The following MDH2 variants were observed in gnomAD, a reference collection of about 807,000 sequenced individuals.
MDH2 encodes malate dehydrogenase, mitochondrial.
A neutral mutation model predicts 33.6 loss-of-function variants in MDH2; 25 were observed. That is an observed-to-expected ratio of 0.74 (90% CI 0.54 to 1.04). MDH2 has a LOEUF of 1.04. Ranked by LOEUF, MDH2 falls within the 50% of genes least tolerant of loss-of-function variation. MDH2 has a pLI of 0.00. For missense variants in MDH2, 432 were observed against 445.0 expected, an observed-to-expected ratio of 0.97 and a Z score of 0.26; for synonymous variants, 193 against 188.7, an observed-to-expected ratio of 1.02 and a Z score of -0.19.
At chr7:76,065,099 C>A in intron 8 of MDH2, 146 bp downstream of exon 8, 5 of 930,418 alleles carry the variant, frequency 5.4e-6, no homozygotes, top group South Asian at 1.7e-5. Context: ...TGGACGCACA[C>A]CCGAGAAAAA....
At chr7:76,060,242 G>A in intron 4 of MDH2, 131 bp from the exon 5 acceptor site, 4 of 1,199,536 alleles carry the variant, frequency 3.3e-6, no homozygotes, top group Non-Finnish European at 4.6e-6. Flanking sequence ...TATCAGACAG[G>A]GCAGTTTAAT....
At chr7:76,048,412 CG>C in intron 1 of MDH2, 186 bp downstream of exon 1, 1 of 1,147,978 alleles carries the variant, frequency 8.7e-7, no homozygotes, top group Non-Finnish European at 1.2e-6. Context: ...GGGAGAAAGC[CG>C]GGGAAAAGGG....
chr7:76,066,399 A>G lies in MDH2; in HGVS notation c.1006A>G (p.Thr336Ala), dbSNP rs1554587912. The G allele has an allele frequency of 3.1e-6, 5 of 1,610,784 alleles. No homozygotes were observed. Among genetic ancestry groups the G allele is most frequent in the Non-Finnish European group, 4.2e-6 (5 of 1,178,922 alleles). Residue 336 changes from threonine to alanine, a missense_variant, in exon 9 of 9, where the codon ACC becomes GCC. Physicochemically the swap from Thr to Ala is moderately conservative, Grantham distance 58. Coordinates refer to ENST00000315758, the MANE Select transcript of MDH2 (RefSeq NM_005918.4). ...SIKKGEDFVK[T>A]LK is the part of the protein sequence containing the mutation. The stretch of plus-strand genomic sequence containing the variant: ...CAAGAAGGGGGAAGATTTCGTGAAG[A>G]CCCTGAAGTGAGCCGCTGTGACGGG...
In MDH2 at chr7:76,048,626, G is replaced by A. The variant is rs548327868; in HGVS notation, c.66+400G>A. The A allele has an allele frequency of 4.7e-6, 6 of 1,272,706 alleles. No homozygotes were observed. The African/African-American group carries it at 9.3e-5, about 20-fold the overall frequency. 78.8% of individuals were successfully genotyped at this position (1,272,706 alleles called of 1,614,324 possible). The stretch of plus-strand genomic sequence containing the variant: ...TCTCCTTGCAGCATCCGTGTGAGTT[G>A]TGCGTGAATAAAAGAAATCGTATAC... On this transcript the variant is annotated intron_variant, in intron 1 of 8. Transcript: ENST00000315758.
chr7:76,048,257 G>A (rs1554584518), intron 1 of MDH2, 31 bp downstream of exon 1: 14 of 1,528,000 alleles, frequency 9.2e-6, no homozygotes, highest in Non-Finnish European at 9.6e-6. Flanking sequence ...CCTGCAGGCG[G>A]AGGCCCCCCG....
intron 4 of MDH2, among the ~76,000 whole-genome samples, chr7:76,059,040 T>C (rs1373265764): frequency 6.6e-6 from 1 of 152,136 alleles, no homozygotes; most frequent in Non-Finnish European, 1.5e-5. Context: ...GCCTCCCAGG[T>C]TCAAGCGATT....
chr7:76,057,948 C>A, intron 3 of MDH2, 21 bp from the exon 4 acceptor site: 1 of 1,609,970 alleles, frequency 6.2e-7, no homozygotes, highest in Non-Finnish European at 8.5e-7. Context: ...CTGTTAACAT[C>A]TCATATTGGA....
Position 76,057,424 on chromosome 7 carries a change from G to A in MDH2, c.250G>A (p.Glu84Lys). The part of the protein sequence containing the change: ...KAAVKGYLGP[E>K]QLPDCLKGCD... ...GTTTGTTCTAGGCTACCTCGGACCTGAACAGCTGCCTGACTGCCTGAAAGG... is the reference window on the plus strand; with the variant it reads ...GTTTGTTCTAGGCTACCTCGGACCTAAACAGCTGCCTGACTGCCTGAAAGG... The change falls in exon 3 of 9, where the codon GAA (glutamate) becomes AAA (lysine). Residue 84 changes from glutamate (E) to lysine (K), a missense_variant. Glu to Lys is a moderately conservative substitution (Grantham distance 56, BLOSUM62 1). Coordinates refer to ENST00000315758, the MANE Select transcript of MDH2 (RefSeq NM_005918.4). The A allele has an allele frequency of 3.7e-6, 6 of 1,614,184 alleles. No individual in the cohort carries two copies. Among genetic ancestry groups the A allele is most frequent in the Non-Finnish European group, 5.1e-6 (6 of 1,180,040 alleles).
Position 76,064,982 on chromosome 7 carries a change from CTG to C in MDH2, c.885+32_885+33del, listed in dbSNP as rs538050919. ...CGTATCCAGGCGTGGGTCCTTCTGACTGTGGAATAAGGGGGCGTTCCCTTTGC... is the reference window on the plus strand; with the variant it reads ...CGTATCCAGGCGTGGGTCCTTCTGACTGGAATAAGGGGGCGTTCCCTTTGC... On this transcript the variant is annotated intron_variant, in intron 8 of 8. Transcript: ENST00000315758. 87 of 1,612,948 alleles carry C rather than the reference CTG, an allele frequency of 5.4e-5. No individual in the cohort carries two copies. In the South Asian group the frequency reaches 8.9e-4, roughly 17 times the overall value.
At position 76,049,120 on chromosome 7, in the gene MDH2, C is replaced by T. The variant is rs528356986; in HGVS notation, c.66+894C>T. 9.1e-6 allele frequency: 9 copies of T among 984,900 alleles called. No individual in the cohort carries two copies. In the South Asian group the frequency reaches 3.8e-4, roughly 41 times the overall value. The allele number at this position is 984,900 out of a possible 1,614,324, so 61.0% of individuals were successfully genotyped here. A position where few individuals can be genotyped will look rare whatever the true frequency, so the allele number is the denominator to read the frequency against. ...ATTTTAAAGGGGAATCCAAATTTAT[C>T]ATCGAAGTTCTCGAGTTTCCTGTAC... is the stretch of plus-strand genomic sequence containing the variant. On this transcript the variant is annotated intron_variant, in intron 1 of 8. Transcript: ENST00000315758.
chr7:76,066,217 G>T, intron 8 of MDH2, 62 bp from the exon 9 acceptor site: 1 of 1,579,548 alleles, frequency 6.3e-7, no homozygotes, highest in Non-Finnish European at 8.6e-7. Context: ...GCGACAGGTC[G>T]GGGTTTCTCT....
At chr7:76,048,726 AGAATTCAGCGCTTCT>A (rs1797431717) in intron 1 of MDH2, 1 of 1,234,692 alleles carries the variant, frequency 8.1e-7, no homozygotes, top group Admixed American at 4.1e-5. Flanking sequence ...CCAGAGGATT[AGAATTCAGCGCTTCT>A]GACCTGAAGA....
intron 4 of MDH2, among the ~76,000 whole-genome samples, chr7:76,059,099 AT>A (rs1243828545): frequency 6.6e-6 from 1 of 152,124 alleles, no homozygotes; most frequent in Non-Finnish European, 1.5e-5. Flanking sequence ...GCATGCCACT[AT>A]GCCCAGCTAA....
chr7:76,057,052 T>C (rs1797806935), intron 2 of MDH2, among the ~76,000 whole-genome samples: 1 of 149,932 alleles, frequency 6.7e-6, no homozygotes, highest in South Asian at 2.1e-4. Context: ...ATTGTGGTGA[T>C]GGGGAATGAG....
chr7:76,049,001 C>T (rs1409302561), intron 1 of MDH2: 7 of 756,686 alleles, frequency 9.3e-6, no homozygotes, highest in Non-Finnish European at 1.1e-5. Flanking sequence ...GGGGGGGGTC[C>T]GCATTTTTAC....
At position 76,057,492 on chromosome 7, in the gene MDH2, A is replaced by G; in HGVS notation, c.318A>G (p.Pro106=). ...VVIPAGVPRK[P]GMTRDDLFNT... is the part of the protein sequence containing the mutation. ...TTCCGGCTGGAGTCCCCAGAAAGCC[A>G]GGTTTGTGTTTGAAAGCCTTGTCTG... The change falls in exon 3 of 9, where the codon CCA becomes CCG. Residue 106 remains proline, a splice_region_variant and synonymous_variant. Coordinates refer to ENST00000315758, the MANE Select transcript of MDH2 (RefSeq NM_005918.4). 1 of 1,614,118 alleles carries G rather than the reference A, an allele frequency of 6.2e-7. No homozygotes were observed. The highest frequency in any genetic ancestry group is 8.5e-7 in the Non-Finnish European group (1 of 1,179,994).
chr7:76,051,562 G>C (rs1797627184), intron 1 of MDH2, among the ~76,000 whole-genome samples: 1 of 152,016 alleles, frequency 6.6e-6, no homozygotes, highest in Non-Finnish European at 1.5e-5. Context: ...CTCAGGTGAT[G>C]CGCCCATCTC....
At chr7:76,060,603 T>C in intron 5 of MDH2, 105 bp downstream of exon 5, 1 of 1,495,518 alleles carries the variant, frequency 6.7e-7, no homozygotes, top group Middle Eastern at 2.2e-4. Context: ...AGGTCACGTG[T>C]CACTTTGGGG....
intron 1 of MDH2, among the ~76,000 whole-genome samples, chr7:76,052,918 C>G (rs534697928): frequency 2.3e-4 from 35 of 151,932 alleles, no homozygotes; most frequent in African/African-American, 8.2e-4. Context: ...TCATGGCTCA[C>G]GGCAGCCTCA....
Sources: allele counts gnomAD v4.1 joint callset (sites outside exome capture counted in the v4.1 genomes callset), GRCh38; gene constraint gnomAD v4.1.1; transcripts MANE v1.5; gene names NCBI Gene and HGNC (gene_info 2026-07-23, HGNC 2026-07-21).